The following PTPRE variants were observed in gnomAD, a reference collection of about 807,000 sequenced individuals.
PTPRE encodes receptor-type tyrosine-protein phosphatase epsilon.
A neutral mutation model predicts 102.0 loss-of-function variants in PTPRE; 51 were observed. The ratio of observed to expected loss-of-function variants is 0.50; its 90% CI spans 0.40 to 0.63. The LOEUF is 0.63. PTPRE is among the 30% of genes least tolerant of loss of function. The probability of loss-of-function intolerance (pLI) is 0.00; values close to 1 mark genes in which losing one functional copy is unlikely to be tolerated. For synonymous variants in PTPRE, 345 were observed against 348.2 expected, an observed-to-expected ratio of 0.99 and a Z score of 0.10; for missense variants, 752 against 915.1, an observed-to-expected ratio of 0.82 and a Z score of 2.30.
intron 9 of PTPRE, 108 bp downstream of exon 9, chr10:128,061,823 G>T (rs887078556): frequency 1.5e-6 from 2 of 1,345,300 alleles, no homozygotes; most frequent in Non-Finnish European, 2.0e-6. Context: ...TTGTGTGTGT[G>T]TGTTTACACC....
In PTPRE at chr10:128,028,931, C is replaced by T. The variant is rs1056983838; in HGVS notation, c.-7-11944C>T. Reference sequence around the variant, plus strand: ...CTCCTCGAGGAGCGCTATCCTGCTCCGTCTCTGCTCAGGGTCCCCCCAGAG... The same window carrying T: ...CTCCTCGAGGAGCGCTATCCTGCTCTGTCTCTGCTCAGGGTCCCCCCAGAG... On this transcript the variant is annotated intron_variant, in intron 2 of 20. Transcript: ENST00000254667. The surrounding 1 kb of genome is among the most constrained non-coding windows in gnomAD (Gnocchi z 4.5). 1.2e-4 allele frequency among the ~76,000 whole-genome samples: 19 copies of T among 152,338 alleles called. No individual in the cohort carries two copies. The highest frequency in any genetic ancestry group is 2.1e-4 in the South Asian group (1 of 4,828).
At chr10:127,979,976 T>G (rs1263232202) in intron 1 of PTPRE, among the ~76,000 whole-genome samples, 1 of 152,222 alleles carries the variant, frequency 6.6e-6, no homozygotes, top group East Asian at 1.9e-4. Context: ...CCTGGCTTCT[T>G]CCCTTGCTTG....
intron 1 of PTPRE, among the ~76,000 whole-genome samples, chr10:127,976,729 C>T (rs1851210773): frequency 1.3e-5 from 2 of 152,138 alleles, no homozygotes; most frequent in Admixed American, 1.3e-4. Flanking sequence ...AGGGAGGGCT[C>T]CCTCCCCCAA....
At chr10:127,927,560 C>A (rs1412982692) in intron 1 of PTPRE, among the ~76,000 whole-genome samples, 1 of 152,146 alleles carries the variant, frequency 6.6e-6, no homozygotes, top group Admixed American at 6.5e-5. Context: ...GGATCAAGCC[C>A]CAGTTTGTCT....
In PTPRE at chr10:127,999,711, A is replaced by G; in HGVS notation, c.-8+17415A>G. Reference sequence around the variant, plus strand: ...TTTTAAGCATTTATTTCAACTCGAGATGAGCGGTCTCTCCTGTAAATTTCT... The same window carrying G: ...TTTTAAGCATTTATTTCAACTCGAGGTGAGCGGTCTCTCCTGTAAATTTCT... On this transcript the variant is annotated intron_variant, in intron 2 of 20. Transcript: ENST00000254667. The G allele has an allele frequency of 3.0e-6, 3 of 984,274 alleles. No homozygotes were observed. In the South Asian group the frequency reaches 1.4e-4, roughly 46 times the overall value. The allele number at this position is 984,274 out of a possible 1,614,324, so 61.0% of individuals were successfully genotyped here. A position where few individuals can be genotyped will look rare whatever the true frequency, so the allele number is the denominator to read the frequency against.
At chr10:127,908,531 C>T (rs1051466098) in intron 1 of PTPRE, among the ~76,000 whole-genome samples, 1 of 152,098 alleles carries the variant, frequency 6.6e-6, no homozygotes, top group African/African-American at 2.4e-5. Context: ...CTGGGGCAAG[C>T]GTCTGACCAC....
At chr10:127,979,294 C>G (rs768490677) in intron 1 of PTPRE, among the ~76,000 whole-genome samples, 1 of 152,178 alleles carries the variant, frequency 6.6e-6, no homozygotes, top group Non-Finnish European at 1.5e-5. Flanking sequence ...CTCCCCAACC[C>G]CCAGCTTTTA....
At chr10:127,938,206 G>A (rs59041823) in intron 1 of PTPRE, among the ~76,000 whole-genome samples, 3,159 of 152,260 alleles carry the variant, frequency 0.021, 96 homozygotes, top group African/African-American at 0.072. Context: ...CACTGAATGA[G>A]ATAATCGTTG....
rs1202798445 is a variant in PTPRE at position 128,049,676 on chromosome 10, G to A, written c.420+10G>A. On this transcript the variant is annotated intron_variant, in intron 6 of 20. Transcript: ENST00000254667. ...TCGGGAGGAGTTCAACGTGAGTGTG[G>A]GGAGGGCTCTCTGCTGGGTGCCCTG... 9.3e-6 allele frequency: 15 copies of A among 1,613,640 alleles called. No individual in the cohort carries two copies. The highest frequency in any genetic ancestry group is 1.2e-5 in the Non-Finnish European group (14 of 1,179,964).
At chr10:128,005,013 A>ACTTT (rs1318225695) in intron 2 of PTPRE, among the ~76,000 whole-genome samples, 1 of 152,090 alleles carries the variant, frequency 6.6e-6, no homozygotes, top group Non-Finnish European at 1.5e-5. Flanking sequence ...CTTTTCATGC[A>ACTTT]CTTTCTGGCT....
chr10:127,939,708 G>A (rs755748007), intron 1 of PTPRE, among the ~76,000 whole-genome samples: 2 of 152,208 alleles, frequency 1.3e-5, no homozygotes, highest in Non-Finnish European at 2.9e-5. Flanking sequence ...GCCCAGCAGG[G>A]GCAGGGCCAA....
intron 1 of PTPRE, among the ~76,000 whole-genome samples, chr10:127,919,055 A>G (rs147440840): frequency 6.6e-6 from 1 of 152,236 alleles, no homozygotes; most frequent in African/African-American, 2.4e-5. Flanking sequence ...TTGTACCTTT[A>G]TTTTACACAT....
At chr10:128,075,764 CTT>C (rs1006371897) in intron 17 of PTPRE, among the ~76,000 whole-genome samples, 2 of 152,098 alleles carry the variant, frequency 1.3e-5, no homozygotes, top group Non-Finnish European at 1.5e-5. Context: ...TAAATACTAT[CTT>C]TTTGTGGCTC....
chr10:127,996,677 T>C (rs1853301778), intron 2 of PTPRE, among the ~76,000 whole-genome samples: 2 of 152,178 alleles, frequency 1.3e-5, no homozygotes, highest in Admixed American at 1.3e-4. Context: ...AAAACTCTTC[T>C]TTCCAATGAA....
At chr10:128,043,137 G>A (rs1229241356) in intron 3 of PTPRE, among the ~76,000 whole-genome samples, 1 of 152,172 alleles carries the variant, frequency 6.6e-6, no homozygotes, top group Non-Finnish European at 1.5e-5. Context: ...TGGAATTGGG[G>A]TGGGGGGTGG....
At chr10:128,078,442 T>C (rs1008217037) in intron 19 of PTPRE, among the ~76,000 whole-genome samples, 2 of 152,230 alleles carry the variant, frequency 1.3e-5, no homozygotes, top group Non-Finnish European at 2.9e-5. Flanking sequence ...GCTGCACACT[T>C]CTGCTGGCAG....
intron 2 of PTPRE, among the ~76,000 whole-genome samples, chr10:127,993,136 A>C (rs1317706082): frequency 2.0e-5 from 3 of 152,204 alleles, no homozygotes; most frequent in Admixed American, 2.0e-4. Context: ...TCTATGAAAG[A>C]CAGAGAACTA....
At chr10:128,031,920 T>C (rs940714635) in intron 2 of PTPRE, among the ~76,000 whole-genome samples, 5 of 152,164 alleles carry the variant, frequency 3.3e-5, no homozygotes, top group African/African-American at 1.2e-4. Context: ...CGTATTTCCC[T>C]CTTCAACAGA....
At chr10:127,954,668 A>T (rs1201862135) in intron 1 of PTPRE, among the ~76,000 whole-genome samples, 1 of 152,176 alleles carries the variant, frequency 6.6e-6, no homozygotes, top group East Asian at 1.9e-4. Flanking sequence ...CAGCTAGGTG[A>T]CAATGCCTTG....
Sources: gnomAD v4.1 joint callset for allele counts (sites outside exome capture counted in the v4.1 genomes callset) on GRCh38, gnomAD v4.1.1 for gene constraint, Gnocchi (gnomAD v3.1) non-coding constraint, MANE v1.5 for transcripts, NCBI Gene and HGNC (gene_info 2026-07-23, HGNC 2026-07-21) for gene names.